Variants in BMERB1 observed in about 807,000 individuals in gnomAD.
BMERB1 encodes bMERB domain containing 1, also known as bMERB domain-containing protein 1.
Under a neutral mutation model 23.6 loss-of-function variants are expected in BMERB1, and 12 were observed. The observed-to-expected ratio is 0.51, with a 90% CI of 0.33 to 0.82. The LOEUF (loss-of-function observed/expected upper bound fraction) is 0.82, where lower values mean the gene tolerates loss of function less well. Ranked by LOEUF, BMERB1 falls within the 40% of genes least tolerant of loss-of-function variation. The pLI, the probability that BMERB1 is intolerant of heterozygous loss-of-function variation, is 0.03. For synonymous variants in BMERB1, 122 were observed against 96.6 expected (o/e 1.26, Z -1.54); for missense variants, 247 against 255.4 (o/e 0.97, Z 0.22).
chr16:15,525,152 C>T (rs992026955), intron 2 of BMERB1, among the ~76,000 whole-genome samples: 1 of 152,144 alleles, frequency 6.6e-6, no homozygotes, highest in East Asian at 1.9e-4. Flanking sequence ...GGGTGGGCCC[C>T]GTCCAATCAG....
chr16:15,464,435 C>A (rs2051164351), intron 1 of BMERB1, among the ~76,000 whole-genome samples: 1 of 151,730 alleles, frequency 6.6e-6, no homozygotes, highest in African/African-American at 2.4e-5. Flanking sequence ...CTACACTGGC[C>A]AACATAGAGA....
At chr16:15,457,223 G>A (rs2051094074) in intron 1 of BMERB1, among the ~76,000 whole-genome samples, 1 of 152,058 alleles carries the variant, frequency 6.6e-6, no homozygotes, top group Admixed American at 6.6e-5. Context: ...CACTTTATGG[G>A]GTGCATATTT....
intron 1 of BMERB1, among the ~76,000 whole-genome samples, chr16:15,507,108 G>T (rs1263897089): frequency 6.6e-6 from 1 of 152,180 alleles, no homozygotes; most frequent in African/African-American, 2.4e-5. Flanking sequence ...GTTGTGCAGG[G>T]CACCCTGAGC....
chr16:15,537,436 C>T (rs959171790), intron 2 of BMERB1, among the ~76,000 whole-genome samples: 1 of 151,532 alleles, frequency 6.6e-6, no homozygotes, highest in Admixed American at 6.6e-5. Context: ...CTCACTGCAA[C>T]CTTGTCTCCC....
intron 3 of BMERB1, among the ~76,000 whole-genome samples, chr16:15,580,822 G>A (rs1233896649): frequency 6.6e-6 from 1 of 151,040 alleles, no homozygotes; most frequent in East Asian, 2.0e-4. Flanking sequence ...TGGGATTACA[G>A]GTGTGAGCCA....
intron 1 of BMERB1, among the ~76,000 whole-genome samples, chr16:15,494,573 T>C (rs1030311995): frequency 6.6e-6 from 1 of 152,192 alleles, no homozygotes; most frequent in African/African-American, 2.4e-5. Flanking sequence ...GCAGTCCCAA[T>C]CTGTGGCAAA....
At chr16:15,556,360 C>G (rs7205261) in intron 2 of BMERB1, among the ~76,000 whole-genome samples, 116 of 152,176 alleles carry the variant, frequency 7.6e-4, no homozygotes, top group African/African-American at 2.8e-3. Flanking sequence ...GCACCACACA[C>G]ACAAGCCTGT....
chr16:15,571,421 G>A (rs542307498), intron 3 of BMERB1, among the ~76,000 whole-genome samples: 3 of 151,164 alleles, frequency 2.0e-5, no homozygotes, highest in South Asian at 2.1e-4. Context: ...GCAGTGGCGC[G>A]ATCTCTGCTC....
At chr16:15,559,871 T>A (rs2030369534) in intron 2 of BMERB1, among the ~76,000 whole-genome samples, 1 of 152,046 alleles carries the variant, frequency 6.6e-6, no homozygotes, top group Non-Finnish European at 1.5e-5. Flanking sequence ...TGGGCCACAT[T>A]GGAAGAATTG....
At chr16:15,577,982 C>T (rs2030912625) in intron 3 of BMERB1, among the ~76,000 whole-genome samples, 1 of 152,200 alleles carries the variant, frequency 6.6e-6, no homozygotes, top group South Asian at 2.1e-4. Context: ...TTCCCTGGCA[C>T]CAGCTGTGAC....
intron 2 of BMERB1, among the ~76,000 whole-genome samples, chr16:15,536,127 C>T (rs1230459990): frequency 2.0e-5 from 3 of 152,060 alleles, no homozygotes; most frequent in South Asian, 2.1e-4. Context: ...GAGGATGGTG[C>T]GGGAGATTTG....
chr16:15,512,845 C>T (rs1475019853), intron 1 of BMERB1, among the ~76,000 whole-genome samples: 1 of 151,346 alleles, frequency 6.6e-6, no homozygotes, highest in Non-Finnish European at 1.5e-5. Flanking sequence ...TGCCACTGCA[C>T]TCCAGCCTGG....
chr16:15,443,343 C>T (rs903823501), intron 1 of BMERB1, among the ~76,000 whole-genome samples: 16 of 151,380 alleles, frequency 1.1e-4, no homozygotes, highest in Non-Finnish European at 2.1e-4. Flanking sequence ...TACTTGAGCC[C>T]CAGAGTTTGA....
intron 2 of BMERB1, among the ~76,000 whole-genome samples, chr16:15,549,597 T>TGAACCCAG (rs2030022325): frequency 6.6e-6 from 1 of 151,746 alleles, no homozygotes; most frequent in South Asian, 2.1e-4. Context: ...GAGAATTCCT[T>TGAACCCAG]GAACCCAGGA....
rs57267276 is a variant in BMERB1 at position 15,468,162 on chromosome 16, T to TTTTTTTTC, written c.106+33404_106+33405insTTTTTTCT. On this transcript the variant is annotated intron_variant, in intron 1 of 5. Transcript: ENST00000300006. ...TTTTTTTTTTTTTTTTTTTTTTTTT[T>TTTTTTTTC]TGAGGCAGGGTCTCAGTCTGTCACC... Among the ~76,000 whole-genome samples the TTTTTTTTC allele has an allele frequency of 1.3e-3, 85 of 64,552 alleles. 9 individuals carry two copies. Among genetic ancestry groups the TTTTTTTTC allele is most frequent in the Middle Eastern group, 0.015 (1 of 66 alleles). 42.3% of individuals were successfully genotyped at this position (64,552 alleles called of 152,430 possible).
rs1281357138 is a variant in BMERB1, at chr16:15,437,991, C to T, written c.106+3232C>T. 1.3e-5 allele frequency among the ~76,000 whole-genome samples: 2 copies of T among 151,852 alleles called. 1 individual carries two copies. Among genetic ancestry groups the T allele is most frequent in the South Asian group, 4.2e-4 (2 of 4,788 alleles). On this transcript the variant is annotated intron_variant, in intron 1 of 5. Transcript: ENST00000300006. ...AGAGTCTGGTATAAAGTCCTTCTTACCCTCTGTTTCAAACCATCAAAGACT... is the reference window on the plus strand; with the variant it reads ...AGAGTCTGGTATAAAGTCCTTCTTATCCTCTGTTTCAAACCATCAAAGACT...
chr16:15,547,499 C>T (rs895694901), intron 2 of BMERB1, among the ~76,000 whole-genome samples: 2 of 151,692 alleles, frequency 1.3e-5, no homozygotes, highest in Admixed American at 6.6e-5. Context: ...CCTGCCACCA[C>T]GCCCAGCTAA....
intron 1 of BMERB1, among the ~76,000 whole-genome samples, chr16:15,484,008 CTG>C (rs2051346948): frequency 6.6e-6 from 1 of 152,146 alleles, no homozygotes; most frequent in Admixed American, 6.6e-5. Context: ...CTTACAATCA[CTG>C]TGGAAGGTGA....
intron 2 of BMERB1, among the ~76,000 whole-genome samples, chr16:15,561,695 C>A (rs1047597519): frequency 6.6e-6 from 1 of 152,104 alleles, no homozygotes; most frequent in Admixed American, 6.5e-5. Flanking sequence ...GAGTTCTAGA[C>A]CATCTTGGCC....
Sources: gnomAD v4.1 joint callset for allele counts (sites outside exome capture counted in the v4.1 genomes callset) on GRCh38, gnomAD v4.1.1 for gene constraint, MANE v1.5 for transcripts, NCBI Gene and HGNC (gene_info 2026-07-23, HGNC 2026-07-21) for gene names.